Variants in TTC17 observed in about 807,000 individuals in gnomAD.
TTC17 encodes the protein tetratricopeptide repeat protein 17.
Under a neutral mutation model 143.8 loss-of-function variants are expected in TTC17, and 58 were observed. The observed-to-expected ratio is 0.40, with a 90% CI of 0.33 to 0.50. The LOEUF (loss-of-function observed/expected upper bound fraction) is 0.50, where lower values mean the gene tolerates loss of function less well. Ranked by LOEUF, TTC17 falls within the 20% of genes least tolerant of loss-of-function variation. TTC17 has a pLI of 0.49. For missense variants in TTC17, 1,273 were observed against 1,392.5 expected (o/e 0.91, Z 1.37); for synonymous variants, 501 against 497.8 (o/e 1.01, Z -0.09).
At chr11:43,445,184 A>G (rs1209741740) in intron 18 of TTC17, among the ~76,000 whole-genome samples, 2 of 152,242 alleles carry the variant, frequency 1.3e-5, no homozygotes, top group African/African-American at 4.8e-5. Context: ...TACCTTAATC[A>G]TTATGCTATA....
intron 2 of TTC17, among the ~76,000 whole-genome samples, chr11:43,382,228 T>G (rs576871424): frequency 6.6e-6 from 1 of 152,196 alleles, no homozygotes; most frequent in East Asian, 1.9e-4. Context: ...ATTTCTGACA[T>G]ACAAAAGCAG....
intron 21 of TTC17, among the ~76,000 whole-genome samples, chr11:43,474,402 T>C (rs887282903): frequency 6.6e-6 from 1 of 152,228 alleles, no homozygotes; most frequent in African/African-American, 2.4e-5. Flanking sequence ...TTAAATGGTT[T>C]TCCATAGAGG....
In TTC17 at chr11:43,493,963, A is replaced by C; in HGVS notation, c.*59A>C. The stretch of plus-strand genomic sequence containing the variant: ...TGCTCTAAAAAAAAAGAATAAGAAA[A>C]GAAACCAATCATTGTCAGTATCTAC... On this transcript the variant is annotated 3_prime_UTR_variant, in exon 24 of 24. Transcript: ENST00000039989. 1 of 1,510,714 alleles carries C rather than the reference A, an allele frequency of 6.6e-7. No individual in the cohort carries two copies. Among genetic ancestry groups the C allele is most frequent in the Non-Finnish European group, 8.9e-7 (1 of 1,129,300 alleles). 93.6% of individuals were successfully genotyped at this position (1,510,714 alleles called of 1,614,324 possible).
At chr11:43,379,452 C>A in intron 2 of TTC17, 130 bp downstream of exon 2, 1 of 694,532 alleles carries the variant, frequency 1.4e-6, no homozygotes, top group Non-Finnish European at 2.4e-6. Flanking sequence ...GAATATACTA[C>A]CTGCAATGTG....
chr11:43,394,672 G>A (rs779281322), intron 5 of TTC17, among the ~76,000 whole-genome samples: 1 of 152,164 alleles, frequency 6.6e-6, no homozygotes, highest in Non-Finnish European at 1.5e-5. Context: ...TGTTAAATTC[G>A]AAATACCTAT....
At chr11:43,414,907 T>A in intron 16 of TTC17, 131 bp downstream of exon 16, 1 of 936,780 alleles carries the variant, frequency 1.1e-6, no homozygotes, top group Non-Finnish European at 1.6e-6. Context: ...TCCAGATGCA[T>A]AGGAAAAGAT....
At chr11:43,492,288 TCCA>T in intron 23 of TTC17, 125 bp downstream of exon 23, 3 of 1,264,308 alleles carry the variant, frequency 2.4e-6, no homozygotes, top group Middle Eastern at 2.6e-4. Context: ...AATTGCTGGT[TCCA>T]CCAATGTTAT....
At chr11:43,412,201 A>G (rs1237239802) in intron 15 of TTC17, among the ~76,000 whole-genome samples, 2 of 152,190 alleles carry the variant, frequency 1.3e-5, no homozygotes, top group East Asian at 1.9e-4. Flanking sequence ...AGAAAACATC[A>G]GATCTGCTGT....
At chr11:43,438,305 A>C (rs1172250922) in intron 16 of TTC17, among the ~76,000 whole-genome samples, 2 of 152,156 alleles carry the variant, frequency 1.3e-5, no homozygotes, top group African/African-American at 4.8e-5. Flanking sequence ...TTACAGGTGC[A>C]TGCCACCACA....
At chr11:43,469,327 T>C (rs753934823) in intron 21 of TTC17, among the ~76,000 whole-genome samples, 2 of 152,136 alleles carry the variant, frequency 1.3e-5, no homozygotes, top group Non-Finnish European at 2.9e-5. Context: ...ATTAAAGAGT[T>C]ACATATATAT....
At chr11:43,402,612 T>C (rs1017975549) in intron 10 of TTC17, among the ~76,000 whole-genome samples, 3 of 152,152 alleles carry the variant, frequency 2.0e-5, no homozygotes, top group Non-Finnish European at 1.5e-5. Flanking sequence ...TTTTGAGCAC[T>C]GACATGATGC....
At chr11:43,404,170 A>C (rs1565148437) in intron 11 of TTC17, 26 bp downstream of exon 11, 5 of 1,587,506 alleles carry the variant, frequency 3.1e-6, no homozygotes, top group Non-Finnish European at 4.3e-6. Context: ...ATGACGAAGC[A>C]GTTTTCTCAA....
intron 21 of TTC17, among the ~76,000 whole-genome samples, chr11:43,470,522 ATT>A (rs1197752958): frequency 1.3e-5 from 2 of 152,214 alleles, no homozygotes; most frequent in African/African-American, 4.8e-5. Flanking sequence ...TTTGTAGTTT[ATT>A]TACAATCATC....
chr11:43,450,237 C>A lies in TTC17; in HGVS notation c.2942C>A (p.Thr981Lys). Reference protein sequence around the residue: ...SLHYTGESQLTEVLQNLGKDQ... With the variant: ...SLHYTGESQLKEVLQNLGKDQ... Reference sequence around the variant, plus strand: ...CACTACACAGGGGAGAGTCAGTTAACAGAGGTGAGTGCTCGGCTTTGTTCA... The same window carrying A: ...CACTACACAGGGGAGAGTCAGTTAAAAGAGGTGAGTGCTCGGCTTTGTTCA... The change falls in exon 20 of 24, where the codon ACA becomes AAA. Residue 981 changes from threonine to lysine, a missense_variant. By Grantham distance (78) the Thr-to-Lys change is moderately conservative. Transcript: ENST00000039989. 1 of 1,613,194 alleles carries A rather than the reference C, an allele frequency of 6.2e-7. No individual in the cohort carries two copies. The highest frequency in any genetic ancestry group is 8.5e-7 in the Non-Finnish European group (1 of 1,179,566).
intron 21 of TTC17, among the ~76,000 whole-genome samples, chr11:43,475,018 A>G (rs940310900): frequency 3.9e-5 from 6 of 152,216 alleles, no homozygotes; most frequent in Non-Finnish European, 8.8e-5. Context: ...CAAGAAGTGA[A>G]GGAGATGGAA....
intron 16 of TTC17, among the ~76,000 whole-genome samples, chr11:43,417,848 G>A (rs568844128): frequency 4.6e-5 from 7 of 152,242 alleles, no homozygotes; most frequent in African/African-American, 1.2e-4. Context: ...GCGAGACTCC[G>A]TCTCAAAAAA....
At position 43,465,076 on chromosome 11, in the gene TTC17, C is replaced by A. The variant is rs189913570; in HGVS notation, c.3030+13811C>A. Among the ~76,000 whole-genome samples, 513 of 152,242 alleles carry A rather than the reference C, an allele frequency of 3.4e-3. 5 individuals are homozygous for A. The highest frequency in any genetic ancestry group is 0.012 in the African/African-American group (492 of 41,536). ...CATTTGGAAAGTCTGGAGATTGGTG[C>A]CTTTTAAGAAGGGACAAAACTAAGG... On this transcript the variant is annotated intron_variant, in intron 21 of 23. Transcript: ENST00000039989.
intron 4 of TTC17, 52 bp downstream of exon 4, chr11:43,391,628 A>G (rs1410306029): frequency 1.6e-6 from 2 of 1,267,170 alleles, no homozygotes; most frequent in African/African-American, 1.6e-5. Context: ...TTCTTCTTTC[A>G]GTTGGTCTCT....
chr11:43,435,949 A>G (rs374205283), intron 16 of TTC17, among the ~76,000 whole-genome samples: 23 of 152,312 alleles, frequency 1.5e-4, no homozygotes, highest in South Asian at 4.1e-4. Context: ...ATACTTGACA[A>G]TAGCCTACAG....
Sources: allele counts gnomAD v4.1 joint callset (sites outside exome capture counted in the v4.1 genomes callset), GRCh38; gene constraint gnomAD v4.1.1; transcripts MANE v1.5; gene names NCBI Gene and HGNC (gene_info 2026-07-23, HGNC 2026-07-21).